The following PDE4D variants were observed in gnomAD, a reference collection of about 807,000 sequenced individuals.
The protein encoded by PDE4D is 3',5'-cyclic-AMP phosphodiesterase 4D.
A neutral mutation model predicts 87.4 loss-of-function variants in PDE4D; 24 were observed. The ratio of observed to expected loss-of-function variants is 0.27; its 90% CI spans 0.20 to 0.39. The LOEUF is 0.39. Among genes scored for constraint, PDE4D ranks in the 10% least tolerant of loss-of-function variants. PDE4D has a pLI of 1.00. For missense variants in PDE4D, 714 were observed against 1,041.0 expected, an observed-to-expected ratio of 0.69 and a Z score of 4.32; for synonymous variants, 384 against 383.2, an observed-to-expected ratio of 1.00 and a Z score of -0.02.
intron 1 of PDE4D, among the ~76,000 whole-genome samples, chr5:59,655,531 A>T (rs894464818): frequency 2.0e-5 from 3 of 152,292 alleles, no homozygotes; most frequent in Middle Eastern, 3.4e-3. Flanking sequence ...CAGTAACTCC[A>T]ACCTGAACAT....
At chr5:58,981,105 T>G (rs1745022192) in intron 11 of PDE4D, among the ~76,000 whole-genome samples, 1 of 152,158 alleles carries the variant, frequency 6.6e-6, no homozygotes, top group Admixed American at 6.6e-5. Context: ...CCAATTCAAA[T>G]GCTAATCTAA....
At chr5:59,220,782 A>G (rs1174310182) in intron 1 of PDE4D, among the ~76,000 whole-genome samples, 1 of 131,634 alleles carries the variant, frequency 7.6e-6, no homozygotes, top group Non-Finnish European at 1.7e-5. Context: ...GCTGGTATCA[A>G]AATGATCAGT....
chr5:60,508,889 T>A (rs1158833271), intron 1 of PDE4D, among the ~76,000 whole-genome samples: 7 of 151,020 alleles, frequency 4.6e-5, no homozygotes, highest in African/African-American at 1.7e-4. Flanking sequence ...CTTTCTTTTC[T>A]TTTATTTATT....
chr5:60,404,917 G>A (rs1741411449), intron 1 of PDE4D, among the ~76,000 whole-genome samples: 1 of 152,230 alleles, frequency 6.6e-6, no homozygotes, highest in African/African-American at 2.4e-5. Flanking sequence ...ATGAGAAAAA[G>A]TAGAGAGATT....
chr5:59,155,097 G>A (rs1779972004), intron 5 of PDE4D, among the ~76,000 whole-genome samples: 1 of 152,162 alleles, frequency 6.6e-6, no homozygotes, highest in Non-Finnish European at 1.5e-5. Context: ...AATTGGGGAA[G>A]TGCCTACTCT....
intron 1 of PDE4D, among the ~76,000 whole-genome samples, chr5:60,411,552 G>A (rs528007565): frequency 8.5e-5 from 13 of 152,086 alleles, no homozygotes; most frequent in Non-Finnish European, 1.8e-4. Context: ...TAATCACCAT[G>A]TAAAAAGAAT....
intron 1 of PDE4D, among the ~76,000 whole-genome samples, chr5:59,534,220 C>T (rs59966237): frequency 0.027 from 4,104 of 152,108 alleles, 189 homozygotes; most frequent in African/African-American, 0.094. Context: ...TTATTGGCAA[C>T]CCAAAAAAAG....
intron 1 of PDE4D, among the ~76,000 whole-genome samples, chr5:59,391,967 A>G (rs1230651360): frequency 6.7e-6 from 1 of 148,402 alleles, no homozygotes; most frequent in Admixed American, 6.8e-5. Flanking sequence ...TATTACATAT[A>G]TATATAATAT....
At chr5:59,326,165 C>T (rs1049869854) in intron 1 of PDE4D, among the ~76,000 whole-genome samples, 2 of 151,718 alleles carry the variant, frequency 1.3e-5, no homozygotes, top group African/African-American at 2.4e-5. Flanking sequence ...ATACCTAATG[C>T]TAGATGACGA....
At chr5:60,237,351 A>G (rs1049881486) in intron 1 of PDE4D, among the ~76,000 whole-genome samples, 21 of 152,172 alleles carry the variant, frequency 1.4e-4, no homozygotes, top group Middle Eastern at 3.4e-3. Flanking sequence ...CAAAAATTGA[A>G]AAGACTAAAA....
intron 1 of PDE4D, among the ~76,000 whole-genome samples, chr5:59,793,158 A>G (rs1218262829): frequency 1.3e-5 from 2 of 152,182 alleles, no homozygotes; most frequent in Non-Finnish European, 2.9e-5. Context: ...CATGATTTCC[A>G]TGGGAGCAAC....
chr5:59,116,359 T>C (rs1773614242), intron 5 of PDE4D, among the ~76,000 whole-genome samples: 1 of 152,154 alleles, frequency 6.6e-6, no homozygotes, highest in Non-Finnish European at 1.5e-5. Flanking sequence ...AAACGAATTT[T>C]TTTTGCCTTC....
chr5:59,617,596 T>A lies in PDE4D; in HGVS notation c.455+275572A>T, dbSNP rs564297602. Among the ~76,000 whole-genome samples the A allele has an allele frequency of 6.6e-5, 10 of 152,162 alleles. 1 individual carries two copies. In the South Asian group the frequency reaches 2.1e-3, roughly 32 times the overall value. On this transcript the variant is annotated intron_variant, in intron 1 of 14. Coordinates refer to ENST00000340635, the MANE Select transcript of PDE4D (RefSeq NM_001104631.2). ...TCACGCCTTTATAAAAAGAACACCA[T>A]GTGAAGAGACAAACACGTACACAGA...
chr5:59,733,567 G>C (rs1331827850), intron 1 of PDE4D, among the ~76,000 whole-genome samples: 1 of 152,060 alleles, frequency 6.6e-6, no homozygotes, highest in African/African-American at 2.4e-5. Flanking sequence ...ACATGGATTA[G>C]AATGTTATCT....
chr5:59,122,512 A>G (rs115662765), intron 5 of PDE4D, among the ~76,000 whole-genome samples: 71 of 152,308 alleles, frequency 4.7e-4, no homozygotes, highest in Middle Eastern at 6.8e-3. Flanking sequence ...AACAACAGGT[A>G]TTGCATATTT....
At chr5:59,228,667 C>T (rs529398397) in intron 1 of PDE4D, among the ~76,000 whole-genome samples, 20 of 152,248 alleles carry the variant, frequency 1.3e-4, no homozygotes, top group African/African-American at 3.1e-4. Context: ...AGCCCATTCT[C>T]GGCAAGTTCC....
At chr5:59,980,417 G>A (rs1761802065) in intron 3 of PDE4D, among the ~76,000 whole-genome samples, 1 of 152,162 alleles carries the variant, frequency 6.6e-6, no homozygotes, top group South Asian at 2.1e-4. Context: ...AAAAATATGG[G>A]ATTCCCCAAC....
At chr5:59,498,174 G>A (rs1461270432) in intron 1 of PDE4D, among the ~76,000 whole-genome samples, 6 of 151,500 alleles carry the variant, frequency 4.0e-5, no homozygotes, top group Non-Finnish European at 7.4e-5. Flanking sequence ...ACTTAAGAGA[G>A]TTCTAAACAT....
intron 1 of PDE4D, among the ~76,000 whole-genome samples, chr5:60,233,470 A>G (rs1340849166): frequency 6.6e-6 from 1 of 151,806 alleles, no homozygotes; most frequent in East Asian, 1.9e-4. Flanking sequence ...TATTTTTAAA[A>G]TTACTTTGAG....
Sources: allele counts gnomAD v4.1 joint callset (sites outside exome capture counted in the v4.1 genomes callset), GRCh38; gene constraint gnomAD v4.1.1; transcripts MANE v1.5; gene names NCBI Gene and HGNC (gene_info 2026-07-23, HGNC 2026-07-21).